HYCC2: variants seen among roughly 807,000 people sequenced by gnomAD.
HYCC2 encodes hyccin 2.
At chr2:201,006,428 G>A in the HYCC2 span, among the ~76,000 whole-genome samples, 2 of 151,698 alleles carry the variant, frequency 1.3e-5, no homozygotes, top group South Asian at 2.1e-4. Context: ...GGCATGAGCC[G>A]CACCTGGCGA....
At chr2:201,042,682 C>T in the HYCC2 span, among the ~76,000 whole-genome samples, 2 of 151,634 alleles carry the variant, frequency 1.3e-5, no homozygotes, top group African/African-American at 2.4e-5. Context: ...GCCCGGCAGC[C>T]GCCCAGTCCG....
the HYCC2 span, among the ~76,000 whole-genome samples, chr2:201,021,252 G>T: frequency 6.6e-6 from 1 of 151,874 alleles, no homozygotes; most frequent in African/African-American, 2.4e-5. Context: ...CTATTTTTCT[G>T]AAGTCTGAAC....
chr2:200,979,621 A>C, the HYCC2 span: 1 of 152,766 alleles, frequency 6.5e-6, no homozygotes, highest in Non-Finnish European at 1.5e-5. Flanking sequence ...AATTAGGAGA[A>C]TACTTGCTTT....
chr2:201,013,818 T>G, the HYCC2 span, among the ~76,000 whole-genome samples: 1 of 152,250 alleles, frequency 6.6e-6, no homozygotes, highest in Non-Finnish European at 1.5e-5. Context: ...ACTTTTGATT[T>G]ATCTTTGCAG....
the HYCC2 span, among the ~76,000 whole-genome samples, chr2:201,046,347 C>T: frequency 6.6e-6 from 1 of 152,226 alleles, no homozygotes; most frequent in African/African-American, 2.4e-5. Context: ...CCCCCTACTC[C>T]ACCACAGCAG....
the HYCC2 span, among the ~76,000 whole-genome samples, chr2:201,030,600 T>C: frequency 6.7e-6 from 1 of 149,810 alleles, no homozygotes; most frequent in Non-Finnish European, 1.5e-5. Flanking sequence ...TTTTTTTGAG[T>C]TGGAGTCTCA....
chr2:201,049,496 G>A, the HYCC2 span, among the ~76,000 whole-genome samples: 6 of 150,476 alleles, frequency 4.0e-5, no homozygotes, highest in Non-Finnish European at 5.9e-5. Flanking sequence ...GAATACAGGC[G>A]CGTGCCACCA....
At chr2:201,024,110 C>T in the HYCC2 span, 1 of 842,398 alleles carries the variant, frequency 1.2e-6, no homozygotes, top group South Asian at 1.6e-5. Flanking sequence ...ATGATATGTG[C>T]CTTTCACCAA....
chr2:201,066,581 C>T, the HYCC2 span: 72 of 152,304 alleles, frequency 4.7e-4, 1 homozygote, highest in African/African-American at 1.6e-3. Flanking sequence ...ACTTGCCTCT[C>T]TCATCCATTT....
the HYCC2 span, among the ~76,000 whole-genome samples, chr2:201,046,794 G>A: frequency 6.6e-6 from 1 of 152,196 alleles, no homozygotes; most frequent in South Asian, 2.1e-4. Flanking sequence ...CTGGTTGAAG[G>A]TAATTAGGTC....
chr2:200,993,064 T>C, the HYCC2 span: 2 of 1,180,782 alleles, frequency 1.7e-6, no homozygotes, highest in African/African-American at 3.0e-5. Context: ...TAGTTTTTGT[T>C]TTCCTAAATT....
chr2:201,038,293 T>C, the HYCC2 span, among the ~76,000 whole-genome samples: 1 of 152,150 alleles, frequency 6.6e-6, no homozygotes, highest in African/African-American at 2.4e-5. Context: ...ACACTGTTGG[T>C]GGGACTGTAA....
the HYCC2 span, among the ~76,000 whole-genome samples, chr2:201,000,598 A>G: frequency 6.6e-6 from 1 of 152,224 alleles, no homozygotes; most frequent in East Asian, 1.9e-4. Flanking sequence ...AGAAACTGCT[A>G]TCCTCATACA....
chr2:200,985,235 A>AT, the HYCC2 span, among the ~76,000 whole-genome samples: 8 of 152,142 alleles, frequency 5.3e-5, no homozygotes, highest in Non-Finnish European at 1.0e-4. Context: ...CTGAAATGGA[A>AT]TTTTTTTATT....
the HYCC2 span, among the ~76,000 whole-genome samples, chr2:201,049,753 C>T: frequency 2.6e-5 from 4 of 151,910 alleles, no homozygotes; most frequent in Admixed American, 6.6e-5. Flanking sequence ...TGGTTTCTAA[C>T]CACAACAAAA....
chr2:201,016,622 C>T, the HYCC2 span, among the ~76,000 whole-genome samples: 42 of 148,610 alleles, frequency 2.8e-4, no homozygotes, highest in African/African-American at 8.7e-4. Context: ...TTTTTTGAGA[C>T]GGAGTCTCAC....
At chr2:200,995,921 A>G in the HYCC2 span, 1 of 152,138 alleles carries the variant, frequency 6.6e-6, no homozygotes, top group African/African-American at 2.4e-5. Flanking sequence ...TCAAGTAAAA[A>G]TCATTTTGAA....
chr2:201,023,745 T>G, the HYCC2 span: 1 of 386,946 alleles, frequency 2.6e-6, no homozygotes, highest in East Asian at 4.0e-5. Context: ...TTTTCATCTT[T>G]ATGTATCACC....
At chr2:201,061,627 GTT>G in the HYCC2 span, among the ~76,000 whole-genome samples, 1 of 139,958 alleles carries the variant, frequency 7.1e-6, no homozygotes, top group African/African-American at 2.6e-5. Context: ...CATACTTATA[GTT>G]TTTTTTTTTT....
Sources: allele counts gnomAD v4.1 joint callset (sites outside exome capture counted in the v4.1 genomes callset), GRCh38; gene constraint gnomAD v4.1.1; transcripts MANE v1.5; gene names NCBI Gene and HGNC (gene_info 2026-07-23, HGNC 2026-07-21).